Variants in LPP observed in about 807,000 individuals in gnomAD.
LPP encodes LIM domain containing preferred translocation partner in lipoma.
A neutral mutation model predicts 60.4 loss-of-function variants in LPP; 38 were observed. That is an observed-to-expected ratio of 0.63 (90% CI 0.49 to 0.83). The LOEUF (loss-of-function observed/expected upper bound fraction) is 0.83. LPP is among the 40% of genes least tolerant of loss of function. The pLI, the probability that LPP is intolerant of heterozygous loss-of-function variation, is 0.00. For missense variants in LPP, 902 were observed against 783.6 expected (o/e 1.15, Z -1.80); for synonymous variants, 328 against 290.8 (o/e 1.13, Z -1.30).
At chr3:188,340,459 T>C (rs1422194329) in intron 2 of LPP, among the ~76,000 whole-genome samples, 1 of 150,344 alleles carries the variant, frequency 6.7e-6, no homozygotes, top group Admixed American at 6.7e-5. Context: ...GCAGGATCCA[T>C]GTTCTTTTCT....
chr3:188,630,600 G>A (rs570248879), intron 7 of LPP, among the ~76,000 whole-genome samples: 3 of 152,270 alleles, frequency 2.0e-5, no homozygotes, highest in Non-Finnish European at 4.4e-5. Context: ...ATTTGACCTA[G>A]CAATCCCATT....
In LPP at chr3:188,495,082, A is replaced by ATATATATATATATATATATATATATAT. The variant is rs1342207321; in HGVS notation, c.306+10379_306+10380insATATATATATATATATATATATATATT. On this transcript the variant is annotated intron_variant, in intron 5 of 11. Coordinates refer to ENST00000617246, the MANE Select transcript of LPP (RefSeq NM_001375462.1). ...CAGGATTTTATATATATATATATAT[A>ATATATATATATATATATATATATATAT]TTTTATTTATATTTTATTATATATT... Among the ~76,000 whole-genome samples, 165 of 97,150 alleles carry ATATATATATATATATATATATATATAT rather than the reference A, an allele frequency of 1.7e-3. 4 individuals are homozygous for ATATATATATATATATATATATATATAT. The highest frequency in any genetic ancestry group is 6.0e-3 in the Middle Eastern group (1 of 168). The allele number at this position is 97,150 out of a possible 152,430, so 63.7% of individuals were successfully genotyped here.
chr3:188,222,300 A>G (rs1166581005), intron 1 of LPP, among the ~76,000 whole-genome samples: 1 of 152,260 alleles, frequency 6.6e-6, no homozygotes, highest in Middle Eastern at 3.2e-3. Context: ...TTGGCTTACA[A>G]GACGTGGTTT....
intron 6 of LPP, among the ~76,000 whole-genome samples, chr3:188,545,264 A>C: frequency 1.2e-5 from 1 of 81,224 alleles, no homozygotes; most frequent in South Asian, 4.0e-4. Flanking sequence ...TTAAAAAAAA[A>C]AACATTAAAA....
upstream of LPP, chr3:188,153,459 T>A (rs1715103515): frequency 1.3e-5 from 2 of 152,240 alleles, no homozygotes; most frequent in Admixed American, 6.5e-5. Context: ...TCAAGCTCAG[T>A]GCCCTAATTT....
Position 188,217,391 on chromosome 3 carries a change from G to A in LPP, c.-189-8014G>A, listed in dbSNP as rs1374326897. Among the ~76,000 whole-genome samples the A allele has an allele frequency of 6.6e-6, 1 of 152,146 alleles. No homozygotes were observed. The highest frequency in any genetic ancestry group is 1.5e-5 in the Non-Finnish European group (1 of 68,034). On this transcript the variant is annotated intron_variant, in intron 1 of 11. Coordinates refer to ENST00000617246, the MANE Select transcript of LPP (RefSeq NM_001375462.1). This position sits in a 1 kb window ranked among gnomAD's most constrained non-coding sequence, Gnocchi z 4.0. ...GGGGAAGAAGCAGGAGAAAAGAATAGGGTCTAGCAGGTGGTGGTAAGTGAG... is the reference window on the plus strand; with the variant it reads ...GGGGAAGAAGCAGGAGAAAAGAATAAGGTCTAGCAGGTGGTGGTAAGTGAG...
At chr3:188,321,412 A>T (rs4277678) in intron 2 of LPP, among the ~76,000 whole-genome samples, 1 of 152,180 alleles carries the variant, frequency 6.6e-6, no homozygotes, top group African/African-American at 2.4e-5. Flanking sequence ...TGTGGCTCCT[A>T]TGATAATTCT....
chr3:188,863,706 G>A (rs76211613), intron 9 of LPP, among the ~76,000 whole-genome samples: 4,012 of 152,066 alleles, frequency 0.026, 153 homozygotes, highest in African/African-American at 0.091. Flanking sequence ...TCCAATTTGC[G>A]GGCATTTTGC....
chr3:188,168,361 A>G (rs1720629499), intron 1 of LPP, among the ~76,000 whole-genome samples: 1 of 152,200 alleles, frequency 6.6e-6, no homozygotes, highest in Non-Finnish European at 1.5e-5. Flanking sequence ...AGCCTTTTAA[A>G]CCATGGCGAC....
chr3:188,165,805 C>T (rs530460230), intron 1 of LPP, among the ~76,000 whole-genome samples: 10 of 152,148 alleles, frequency 6.6e-5, no homozygotes, highest in Admixed American at 4.6e-4. Flanking sequence ...ACAGAGTCTT[C>T]TCATTTTGCA....
Position 188,376,761 on chromosome 3 carries a change from G to T in LPP, c.-9-29351G>T, listed in dbSNP as rs1775230486. Among the ~76,000 whole-genome samples, 9 of 152,136 alleles carry T rather than the reference G, an allele frequency of 5.9e-5. No individual in the cohort carries two copies. The South Asian group carries it at 1.9e-3, about 31-fold the overall frequency. On this transcript the variant is annotated intron_variant, in intron 3 of 11. Coordinates refer to ENST00000617246, the MANE Select transcript of LPP (RefSeq NM_001375462.1). Reference sequence around the variant, plus strand: ...GATCCTGTCATTATGATGTTAGCTGGTTATTTTGCTCGCTAGTTGATGCAG... The same window carrying T: ...GATCCTGTCATTATGATGTTAGCTGTTTATTTTGCTCGCTAGTTGATGCAG...
intron 1 of LPP, among the ~76,000 whole-genome samples, chr3:188,170,329 C>CTTTTTT (rs34760455): frequency 9.3e-5 from 9 of 96,438 alleles, no homozygotes; most frequent in Non-Finnish European, 1.2e-4. Flanking sequence ...CTTTTCTTTT[C>CTTTTTT]TTTTTTTTTT....
chr3:188,277,991 A>G (rs6779331), intron 2 of LPP, among the ~76,000 whole-genome samples: 103,254 of 152,140 alleles, frequency 0.68, 35,614 homozygotes, highest in African/African-American at 0.77. Context: ...TTAGCCCTCT[A>G]ACTTCATGCA....
At chr3:188,812,026 A>G (rs940903278) in intron 9 of LPP, among the ~76,000 whole-genome samples, 1 of 151,986 alleles carries the variant, frequency 6.6e-6, no homozygotes, top group Non-Finnish European at 1.5e-5. Flanking sequence ...TTCCCCACCA[A>G]AGTTTTTGTA....
At chr3:188,396,822 C>CT (rs1560348870) in intron 3 of LPP, among the ~76,000 whole-genome samples, 9 of 150,408 alleles carry the variant, frequency 6.0e-5, no homozygotes, top group African/African-American at 2.3e-4. Flanking sequence ...CTAAGGAGCC[C>CT]GTTTTTTTGC....
At chr3:188,849,493 C>T (rs866972410) in intron 9 of LPP, among the ~76,000 whole-genome samples, 15 of 152,200 alleles carry the variant, frequency 9.9e-5, no homozygotes, top group Middle Eastern at 6.8e-3. Flanking sequence ...AATTAAGAAG[C>T]CTATAAGAAC....
chr3:188,509,725 C>A (rs180837882), intron 5 of LPP, among the ~76,000 whole-genome samples: 1 of 138,830 alleles, frequency 7.2e-6, no homozygotes, highest in Non-Finnish European at 1.5e-5. Flanking sequence ...TTGAGTCTCA[C>A]TCTGTCGCCC....
chr3:188,857,819 T>C (rs775056091), intron 9 of LPP, among the ~76,000 whole-genome samples: 8 of 152,146 alleles, frequency 5.3e-5, no homozygotes, highest in Non-Finnish European at 1.0e-4. Context: ...GGAGAATTAA[T>C]GGTGAAGGGA....
chr3:188,607,728 G>A (rs1003549395), intron 6 of LPP, among the ~76,000 whole-genome samples: 2 of 151,910 alleles, frequency 1.3e-5, no homozygotes, highest in South Asian at 2.1e-4. Context: ...TTACTCTGCT[G>A]TAGCTGTAGT....
Sources: allele counts gnomAD v4.1 joint callset (sites outside exome capture counted in the v4.1 genomes callset), GRCh38; gene constraint gnomAD v4.1.1; non-coding constraint Gnocchi (gnomAD v3.1); transcripts MANE v1.5; gene names NCBI Gene and HGNC (gene_info 2026-07-23, HGNC 2026-07-21).